The following EPHA8 variants were observed in gnomAD, a reference collection of about 807,000 sequenced individuals.
EPHA8 encodes ephrin type-A receptor 8.
In EPHA8, 58 loss-of-function variants were observed where a neutral mutation model predicts 103.6. That is an observed-to-expected ratio of 0.56 (90% confidence interval 0.45 to 0.70). The LOEUF (loss-of-function observed/expected upper bound fraction) is 0.70. Among genes scored for constraint, EPHA8 ranks in the 30% least tolerant of loss-of-function variants. EPHA8 has a pLI of 0.00. For missense variants in EPHA8, 1,304 were observed against 1,395.2 expected (o/e 0.93, Z 1.04); for synonymous variants, 559 against 572.5 (o/e 0.98, Z 0.34).
Position 22,563,534 on chromosome 1 carries a change from G to T in EPHA8, c.-102G>T, listed in dbSNP as rs1177569236. On this transcript the variant is annotated 5_prime_UTR_variant, in exon 1 of 17. Transcript: ENST00000166244. This position sits in a 1 kb window ranked among gnomAD's most constrained non-coding sequence, Gnocchi z 4.4. ...GTGCGCCGGGGTGTGCGCCCGGCCG[G>T]GTGTGCGGAGAGCGAGGGAGCGCGC... 5.6e-4 allele frequency: 82 copies of T among 146,538 alleles called. No homozygotes were observed. Among genetic ancestry groups the T allele is most frequent in the African/African-American group, 1.9e-3 (78 of 40,824 alleles). 9.1% of individuals were successfully genotyped at this position (146,538 alleles called of 1,614,324 possible). A position where few individuals can be genotyped will look rare whatever the true frequency, so the allele number is the denominator to read the frequency against.
Position 22,595,283 on chromosome 1 carries a change from G to A in EPHA8, c.1657G>A (p.Gly553Ser), listed in dbSNP as rs745551161. The change falls in exon 8 of 17, where the codon GGC becomes AGC. Residue 553 changes from glycine (G) to serine (S), a missense_variant. Gly to Ser is a moderately conservative substitution (Grantham distance 56). Coordinates refer to ENST00000166244, the MANE Select transcript of EPHA8 (RefSeq NM_020526.5). ...IVWICLTLITGLVVLLLLLIC... is the reference protein window; with the variant it reads ...IVWICLTLITSLVVLLLLLIC... ...CTGGATCTGCCTGACGCTCATCACG[G>A]GCCTGGTGGTGCTTCTGCTCCTGCT... is the stretch of plus-strand genomic sequence containing the variant. 2.5e-6 allele frequency: 4 copies of A among 1,613,750 alleles called. No homozygotes were observed. Among genetic ancestry groups the A allele is most frequent in the South Asian group, 2.2e-5 (2 of 91,048 alleles).
At chr1:22,571,004 G>C (rs1007572630) in intron 2 of EPHA8, among the ~76,000 whole-genome samples, 1 of 152,234 alleles carries the variant, frequency 6.6e-6, no homozygotes, top group Non-Finnish European at 1.5e-5. Flanking sequence ...GGTTGGCTGA[G>C]ATGGCATTCC....
At position 22,600,635 on chromosome 1, in the gene EPHA8, C is replaced by T. The variant is rs769223685; in HGVS notation, c.2389-26C>T. ...GACACCCTGCCAGGCCTGGGCAGCCCCTCAACTCTTGTGTGTCCGTCGCAG... is the reference window on the plus strand; with the variant it reads ...GACACCCTGCCAGGCCTGGGCAGCCTCTCAACTCTTGTGTGTCCGTCGCAG... On this transcript the variant is annotated intron_variant, in intron 13 of 16. Transcript: ENST00000166244. The T allele has an allele frequency of 1.2e-5, 19 of 1,610,992 alleles. No individual in the cohort carries two copies. The Admixed American group carries it at 3.0e-4, about 26-fold the overall frequency.
intron 2 of EPHA8, among the ~76,000 whole-genome samples, chr1:22,570,379 C>T (rs1640501693): frequency 6.6e-6 from 1 of 152,188 alleles, no homozygotes; most frequent in Non-Finnish European, 1.5e-5. Context: ...TGCGCGTACA[C>T]ACACGCGCGC....
In EPHA8 at chr1:22,582,857, G is replaced by A. The variant is rs182027864; in HGVS notation, c.824-3623G>A. Among the ~76,000 whole-genome samples the A allele has an allele frequency of 7.6e-4, 116 of 152,348 alleles. 1 individual carries two copies. The highest frequency in any genetic ancestry group is 3.1e-4 in the African/African-American group (13 of 41,570). On this transcript the variant is annotated intron_variant, in intron 3 of 16. Coordinates refer to ENST00000166244, the MANE Select transcript of EPHA8 (RefSeq NM_020526.5). Reference sequence around the variant, plus strand: ...TTGCTGTCCTTCCTGTCACCTGGACGCAGAATATAAATCACCCTTCGCGGC... The same window carrying A: ...TTGCTGTCCTTCCTGTCACCTGGACACAGAATATAAATCACCCTTCGCGGC...
At position 22,569,187 on chromosome 1, in the gene EPHA8, G is replaced by T. The variant is rs1440184676; in HGVS notation, c.95-102G>T. On this transcript the variant is annotated intron_variant, in intron 1 of 16. Transcript: ENST00000166244. The surrounding 1 kb of genome is among the most constrained non-coding windows in gnomAD (Gnocchi z 4.5). Reference sequence around the variant, plus strand: ...GCAGAGGGACCCGTGTGAGCTGTGTGCTGGGGGCTGAGTGTGGACCAGTGT... The same window carrying T: ...GCAGAGGGACCCGTGTGAGCTGTGTTCTGGGGGCTGAGTGTGGACCAGTGT... 3 of 1,131,404 alleles carry T rather than the reference G, an allele frequency of 2.7e-6. No homozygotes were observed. 70.1% of individuals were successfully genotyped at this position (1,131,404 alleles called of 1,614,324 possible). A position where few individuals can be genotyped will look rare whatever the true frequency, so the allele number is the denominator to read the frequency against.
chr1:22,570,318 A>G (rs918490706), intron 2 of EPHA8, among the ~76,000 whole-genome samples: 2 of 121,346 alleles, frequency 1.6e-5, no homozygotes, highest in Non-Finnish European at 3.3e-5. Flanking sequence ...GCGTGTACAC[A>G]CATGCACACA....
intron 4 of EPHA8, 73 bp from the exon 5 acceptor site, chr1:22,588,798 C>T (rs899405128): frequency 6.6e-7 from 1 of 1,509,242 alleles, no homozygotes; most frequent in Non-Finnish European, 8.8e-7. Context: ...TGGGGAGCCC[C>T]AGGTCTGATG....
In EPHA8 at chr1:22,597,990, G is replaced by T; in HGVS notation, c.2116+129G>T. On this transcript the variant is annotated intron_variant, in intron 11 of 16. Transcript: ENST00000166244. The surrounding 1 kb of genome is among the most constrained non-coding windows in gnomAD (Gnocchi z 4.6). The stretch of plus-strand genomic sequence containing the variant: ...GTCCTCTTGGTTCAGGTCCCTGAAT[G>T]ACTCGGGGTGCCCAGAGCCTGGGAC... 1 of 1,442,380 alleles carries T rather than the reference G, an allele frequency of 6.9e-7. No homozygotes were observed. The highest frequency in any genetic ancestry group is 1.2e-5 in the South Asian group (1 of 83,560). 89.3% of individuals were successfully genotyped at this position (1,442,380 alleles called of 1,614,324 possible).
chr1:22,576,187 C>T lies in EPHA8; in HGVS notation c.160-30C>T, dbSNP rs1439418648. On this transcript the variant is annotated intron_variant, in intron 2 of 16. Coordinates refer to ENST00000166244, the MANE Select transcript of EPHA8 (RefSeq NM_020526.5). The surrounding 1 kb of genome is among the most constrained non-coding windows in gnomAD (Gnocchi z 4.8). The stretch of plus-strand genomic sequence containing the variant: ...AAAAGAGGGTGAGGTGCTGGCTCTG[C>T]TGTAGTGGCTGTGTTCTCTCTGCCC... 1 of 1,579,650 alleles carries T rather than the reference C, an allele frequency of 6.3e-7. No individual in the cohort carries two copies. The highest frequency in any genetic ancestry group is 8.6e-7 in the Non-Finnish European group (1 of 1,160,302).
At chr1:22,580,001 G>A (rs1190349909) in intron 3 of EPHA8, among the ~76,000 whole-genome samples, 2 of 152,112 alleles carry the variant, frequency 1.3e-5, no homozygotes, top group Non-Finnish European at 2.9e-5. Context: ...TAACAGGTGG[G>A]GATGGAGTCC....
Position 22,601,652 on chromosome 1 carries a change from C to G in EPHA8, c.2929C>G (p.Leu977Val). 1 of 1,595,052 alleles carries G rather than the reference C, an allele frequency of 6.3e-7. No homozygotes were observed. Among genetic ancestry groups the G allele is most frequent in the Non-Finnish European group, 8.5e-7 (1 of 1,171,012 alleles). ...AQDVRALGIT[L>V]MGHQKKILGS... ...GGACGTGCGCGCCCTGGGCATCACCCTCATGGGCCACCAGAAGAAGATCCT... is the reference window on the plus strand; with the variant it reads ...GGACGTGCGCGCCCTGGGCATCACCGTCATGGGCCACCAGAAGAAGATCCT... The change falls in exon 17 of 17, where the codon CTC (leucine) becomes GTC (valine). Residue 977 changes from leucine (L) to valine (V), a missense_variant. Leu to Val is a conservative substitution (Grantham distance 32, BLOSUM62 1). Coordinates refer to ENST00000166244, the MANE Select transcript of EPHA8 (RefSeq NM_020526.5).
chr1:22,598,772 T>TGTTCCTG lies in EPHA8; in HGVS notation c.2179-65_2179-59dup. 3 of 1,507,930 alleles carry TGTTCCTG rather than the reference T, an allele frequency of 2.0e-6. No individual in the cohort carries two copies. The allele number at this position is 1,507,930 out of a possible 1,614,324, so 93.4% of individuals were successfully genotyped here. Reference sequence around the variant, plus strand: ...TCGAGAGCATCCTACAGATGGGAGGTGTTCCTGTTCACGGACCAGGCGCCT... The same window carrying TGTTCCTG: ...TCGAGAGCATCCTACAGATGGGAGGTGTTCCTGGTTCCTGTTCACGGACCAGGCGCCT... On this transcript the variant is annotated intron_variant, in intron 12 of 16. Coordinates refer to ENST00000166244, the MANE Select transcript of EPHA8 (RefSeq NM_020526.5). The surrounding 1 kb of genome is among the most constrained non-coding windows in gnomAD (Gnocchi z 5.1).
Position 22,602,097 on chromosome 1 carries a change from C to G in EPHA8, c.*356C>G. 2.5e-6 allele frequency: 1 copy of G among 395,394 alleles called. No homozygotes were observed. The highest frequency in any genetic ancestry group is 4.5e-6 in the Non-Finnish European group (1 of 221,042). The allele number at this position is 395,394 out of a possible 1,614,324, so 24.5% of individuals were successfully genotyped here. A position where few individuals can be genotyped will look rare whatever the true frequency, so the allele number is the denominator to read the frequency against. Reference sequence around the variant, plus strand: ...GTGTTCTCACAAGGTCATGGGATCTCATGTGAACAGTGTGTGATCAAGTGT... The same window carrying G: ...GTGTTCTCACAAGGTCATGGGATCTGATGTGAACAGTGTGTGATCAAGTGT... On this transcript the variant is annotated 3_prime_UTR_variant, in exon 17 of 17. Transcript: ENST00000166244.
chr1:22,596,802 C>T (rs1641532174), intron 9 of EPHA8, among the ~76,000 whole-genome samples: 1 of 151,940 alleles, frequency 6.6e-6, no homozygotes, highest in African/African-American at 2.4e-5. Flanking sequence ...GCTCAGATTA[C>T]AAGCATTCAC....
rs778380990 is a variant in EPHA8 at position 22,593,407 on chromosome 1, C to A, written c.1397C>A (p.Pro466Gln). The A allele has an allele frequency of 1.3e-6, 2 of 1,595,236 alleles. No individual in the cohort carries two copies. The highest frequency in any genetic ancestry group is 2.3e-5 in the East Asian group (1 of 43,952). The change falls in exon 6 of 17, where the codon CCG (proline) becomes CAG (glutamine). Residue 466 changes from proline (P) to glutamine (Q), a missense_variant. Transcript: ENST00000166244. ...VSLLWQEPEQ[P>Q]NGIILEYEIK... ...CTGCTGTGGCAGGAGCCCGAGCAGC[C>A]GAACGGCATCATCCTGGAGTATGAG...
Position 22,563,686 on chromosome 1 carries a change from C to CGCGGCG in EPHA8, c.60_65dup (p.Ala21_Ala22dup), listed in dbSNP as rs1284214542. On this transcript the variant is annotated inframe_insertion, in exon 1 of 17. Transcript: ENST00000166244. The surrounding 1 kb of genome is among the most constrained non-coding windows in gnomAD (Gnocchi z 4.4). ...CCCCTGCGCTCTGGGTCGTCACGGC[C>CGCGGCG]GCGGCGGCGGCGGCCACCTGCGTGT... 6.8e-6 allele frequency: 1 copy of CGCGGCG among 146,188 alleles called. No homozygotes were observed. The highest frequency in any genetic ancestry group is 1.5e-5 in the Non-Finnish European group (1 of 65,584). 9.1% of individuals were successfully genotyped at this position (146,188 alleles called of 1,614,324 possible). A position where few individuals can be genotyped will look rare whatever the true frequency, so the allele number is the denominator to read the frequency against.
intron 13 of EPHA8, among the ~76,000 whole-genome samples, chr1:22,599,629 G>A (rs1246845055): frequency 3.3e-5 from 3 of 90,230 alleles, no homozygotes; most frequent in African/African-American, 5.5e-5. Context: ...AAGAAGGGAA[G>A]GAAGGAAGGG....
At chr1:22,599,069 C>T (rs754759968) in intron 13 of EPHA8, 22 bp downstream of exon 13, 23 of 1,575,568 alleles carry the variant, frequency 1.5e-5, no homozygotes, top group Admixed American at 5.5e-5. Flanking sequence ...ACACTCCTTC[C>T]GGCTAGACTG....
Sources: gnomAD v4.1 joint callset for allele counts (sites outside exome capture counted in the v4.1 genomes callset) on GRCh38, gnomAD v4.1.1 for gene constraint, Gnocchi (gnomAD v3.1) non-coding constraint, MANE v1.5 for transcripts, NCBI Gene and HGNC (gene_info 2026-07-23, HGNC 2026-07-21) for gene names.